Variants in AKAP9 observed in about 807,000 individuals in gnomAD.
The protein encoded by AKAP9 is A-kinase anchoring protein 9.
In AKAP9, 311 loss-of-function variants were observed where a neutral mutation model predicts 488.5. The ratio of observed to expected loss-of-function variants is 0.64; its 90% CI spans 0.58 to 0.70. The LOEUF is 0.70. Among genes scored for constraint, AKAP9 ranks in the 30% least tolerant of loss-of-function variants. AKAP9 has a pLI of 0.00. For synonymous variants in AKAP9, 1,462 were observed against 1,483.5 expected, an observed-to-expected ratio of 0.99 and a Z score of 0.33; for missense variants, 4,215 against 4,374.5, an observed-to-expected ratio of 0.96 and a Z score of 1.03.
At chr7:92,066,885 G>T (rs886910395) in intron 26 of AKAP9, among the ~76,000 whole-genome samples, 1 of 152,070 alleles carries the variant, frequency 6.6e-6, no homozygotes, top group South Asian at 2.1e-4. Flanking sequence ...GTCCACTCCA[G>T]TGAAGTATCC....
At chr7:91,949,206 CA>C (rs1308626055) in intron 1 of AKAP9, among the ~76,000 whole-genome samples, 1 of 152,004 alleles carries the variant, frequency 6.6e-6, no homozygotes, top group East Asian at 1.9e-4. Flanking sequence ...AGAACGTGTG[CA>C]CTCAAGCACC....
At chr7:91,949,543 C>T (rs1791929280) in intron 1 of AKAP9, among the ~76,000 whole-genome samples, 1 of 152,132 alleles carries the variant, frequency 6.6e-6, no homozygotes, top group Non-Finnish European at 1.5e-5. Flanking sequence ...TCATTTTAAA[C>T]ATGGGGGATC....
intron 10 of AKAP9, among the ~76,000 whole-genome samples, chr7:92,015,328 G>A (rs1250496102): frequency 1.3e-5 from 2 of 151,644 alleles, no homozygotes; most frequent in African/African-American, 4.8e-5. Context: ...TTTTGTGTGT[G>A]CATATAAACT....
At chr7:92,026,202 C>G (rs1318491420) in intron 14 of AKAP9, among the ~76,000 whole-genome samples, 1 of 152,150 alleles carries the variant, frequency 6.6e-6, no homozygotes, top group African/African-American at 2.4e-5. Context: ...ATAGTAGGAG[C>G]TTAATTGCAA....
At chr7:92,081,960 G>GTAATA in intron 31 of AKAP9, among the ~76,000 whole-genome samples, 1 of 152,052 alleles carries the variant, frequency 6.6e-6, no homozygotes, top group East Asian at 1.9e-4. Context: ...AATTAAAATA[G>GTAATA]TAATATAACT....
At position 92,000,828 on chromosome 7, in the gene AKAP9, T is replaced by C; in HGVS notation, c.931-20T>C. 7.8e-7 allele frequency: 1 copy of C among 1,278,054 alleles called. No individual in the cohort carries two copies. The highest frequency in any genetic ancestry group is 1.5e-5 in the South Asian group (1 of 67,262). 79.2% of individuals were successfully genotyped at this position (1,278,054 alleles called of 1,614,324 possible). A position where few individuals can be genotyped will look rare whatever the true frequency, so the allele number is the denominator to read the frequency against. On this transcript the variant is annotated intron_variant, in intron 7 of 49. Transcript: ENST00000356239. ...GAAGCTAAAAATGCCATTCTTACAT[T>C]TTCATTTTTTTTCCTAAAGGAACAA...
At chr7:92,034,492 A>AT (rs1804839089) in intron 16 of AKAP9, among the ~76,000 whole-genome samples, 2 of 92,016 alleles carry the variant, frequency 2.2e-5, no homozygotes, top group South Asian at 6.6e-4. Flanking sequence ...ATATATATAT[A>AT]TATATATTTT....
At chr7:91,977,285 G>A (rs1464813643) in intron 2 of AKAP9, among the ~76,000 whole-genome samples, 5 of 151,838 alleles carry the variant, frequency 3.3e-5, no homozygotes, top group Non-Finnish European at 4.4e-5. Flanking sequence ...GGCCGGGCGC[G>A]GTGGCTCATG....
At chr7:91,964,166 C>G (rs1474503010) in intron 1 of AKAP9, among the ~76,000 whole-genome samples, 1 of 152,172 alleles carries the variant, frequency 6.6e-6, no homozygotes, top group Non-Finnish European at 1.5e-5. Context: ...CAGTTATATT[C>G]TTCCAGAGTT....
chr7:92,014,417 C>G, intron 10 of AKAP9, 89 bp downstream of exon 10: 1 of 959,466 alleles, frequency 1.0e-6, no homozygotes, highest in Non-Finnish European at 1.6e-6. Context: ...GGTCAGATCA[C>G]TTGAGTTCGA....
At chr7:92,068,699 TCTC>T (rs1563082349) in intron 26 of AKAP9, among the ~76,000 whole-genome samples, 1 of 152,076 alleles carries the variant, frequency 6.6e-6, no homozygotes, top group Non-Finnish European at 1.5e-5. Context: ...TATTAAAGTT[TCTC>T]CTCAGCAGCT....
At chr7:92,043,345 C>T in intron 20 of AKAP9, 1 of 984,352 alleles carries the variant, frequency 1.0e-6, no homozygotes, top group African/African-American at 1.7e-5. Flanking sequence ...GTATGGAACG[C>T]AGTCAGTATG....
At chr7:91,987,206 T>G (rs1797209883) in intron 3 of AKAP9, among the ~76,000 whole-genome samples, 1 of 151,968 alleles carries the variant, frequency 6.6e-6, no homozygotes, top group Non-Finnish European at 1.5e-5. Flanking sequence ...TCACCTGAGG[T>G]TAGGAGTTGG....
chr7:91,945,413 A>C (rs988135454), intron 1 of AKAP9, among the ~76,000 whole-genome samples: 11 of 152,304 alleles, frequency 7.2e-5, no homozygotes, highest in Non-Finnish European at 1.0e-4. Context: ...AGGTGGAGGC[A>C]GGAGAATCAC....
intron 1 of AKAP9, among the ~76,000 whole-genome samples, chr7:91,947,745 G>C (rs2130452541): frequency 6.6e-6 from 1 of 152,296 alleles, no homozygotes; most frequent in East Asian, 1.9e-4. Flanking sequence ...TGAAATAATG[G>C]TTGGGAGCTT....
chr7:91,956,879 G>A (rs1204211258), intron 1 of AKAP9, among the ~76,000 whole-genome samples: 2 of 152,128 alleles, frequency 1.3e-5, no homozygotes, highest in African/African-American at 2.4e-5. Context: ...TTTTTGAACT[G>A]TTAAAAAATT....
intron 2 of AKAP9, among the ~76,000 whole-genome samples, chr7:91,976,533 T>C (rs1309686535): frequency 6.6e-6 from 1 of 152,180 alleles, no homozygotes; most frequent in Non-Finnish European, 1.5e-5. Context: ...AACCTGAGTG[T>C]TGAGTTTTGT....
chr7:91,943,591 C>A (rs761995702), intron 1 of AKAP9, among the ~76,000 whole-genome samples: 1 of 152,098 alleles, frequency 6.6e-6, no homozygotes, highest in Non-Finnish European at 1.5e-5. Context: ...TATTCTTCCA[C>A]GTTTTGTTAA....
At chr7:92,028,383 A>G (rs957594690) in intron 14 of AKAP9, among the ~76,000 whole-genome samples, 4 of 151,624 alleles carry the variant, frequency 2.6e-5, no homozygotes, top group African/African-American at 9.7e-5. Context: ...ATGACCGGAT[A>G]GATAATCAGG....
Sources: gnomAD v4.1 joint callset for allele counts (sites outside exome capture counted in the v4.1 genomes callset) on GRCh38, gnomAD v4.1.1 for gene constraint, MANE v1.5 for transcripts, NCBI Gene and HGNC (gene_info 2026-07-23, HGNC 2026-07-21) for gene names.